SEMA4D: variants seen among roughly 807,000 people sequenced by gnomAD.
SEMA4D encodes the protein semaphorin 4D.
Under a neutral mutation model 74.8 loss-of-function variants are expected in SEMA4D, and 22 were observed. The observed-to-expected ratio is 0.29, with a 90% CI of 0.21 to 0.42. SEMA4D has a LOEUF of 0.42. SEMA4D is among the 10% of genes least tolerant of loss of function. The pLI, the probability that SEMA4D is intolerant of heterozygous loss-of-function variation, is 1.00. For synonymous variants in SEMA4D, 445 were observed against 463.7 expected (o/e 0.96, Z 0.52); for missense variants, 937 against 1,118.4 (o/e 0.84, Z 2.31).
At chr9:89,373,448 A>G (rs78998232), downstream of SEMA4D, among the ~76,000 whole-genome samples, 4,389 of 152,250 alleles carry the variant, frequency 0.029, 195 homozygotes, top group East Asian at 0.16. Flanking sequence ...CCAGTCCCCA[A>G]GTGCAACCCT....
exon 19 of SEMA4D, chr9:89,362,252 A>T: frequency 7.5e-7 from 1 of 1,338,032 alleles, no homozygotes; most frequent in Non-Finnish European, 1.1e-6. Context: ...TCTGCCCATC[A>T]GGTGGTGGCC....
chr9:89,399,192 C>T, intron 5 of SEMA4D, 84 bp downstream of exon 5: 1 of 1,198,496 alleles, frequency 8.3e-7, no homozygotes. Flanking sequence ...CTGGCCTGCA[C>T]TGCAGGCATG....
At chr9:89,450,576 C>T in intron 2 of SEMA4D, 3 of 962,658 alleles carry the variant, frequency 3.1e-6, no homozygotes, top group Admixed American at 3.5e-5. Flanking sequence ...TCCCTTCCAG[C>T]CTGACCTCTA....
chr9:89,427,660 G>T (rs34602330), intron 2 of SEMA4D, among the ~76,000 whole-genome samples: 23,513 of 152,224 alleles, frequency 0.15, 2,382 homozygotes, highest in Non-Finnish European at 0.22. Context: ...GTGGCATTTA[G>T]TGGGGCTGAC....
At chr9:89,406,372 G>A (rs1843332699) in intron 2 of SEMA4D, among the ~76,000 whole-genome samples, 1 of 152,228 alleles carries the variant, frequency 6.6e-6, no homozygotes, top group Admixed American at 6.5e-5. Context: ...AACTCACTCT[G>A]ATTTGCCCAG....
intron 2 of SEMA4D, among the ~76,000 whole-genome samples, chr9:89,446,554 C>A (rs1852906659): frequency 6.6e-6 from 1 of 152,222 alleles, no homozygotes; most frequent in South Asian, 2.1e-4. Context: ...TGATAAGCAC[C>A]ACGGGGCCTC....
chr9:89,412,059 C>T (rs2133947973), intron 2 of SEMA4D, among the ~76,000 whole-genome samples: 1 of 152,250 alleles, frequency 6.6e-6, no homozygotes, highest in Admixed American at 6.5e-5. Context: ...CCCACAGTCA[C>T]CCTTTGCCTC....
rs1268229863 is a variant in SEMA4D at position 89,379,406 on chromosome 9, C to T, written c.1887G>A (p.Arg629=). The T allele has an allele frequency of 1.5e-5, 25 of 1,614,136 alleles. No individual in the cohort carries two copies. The highest frequency in any genetic ancestry group is 2.1e-5 in the Non-Finnish European group (25 of 1,180,020). ...SGVYQCLSEE[R]VKNKTVFQVV... ...CTTGGAAGACCGTTTTGTTCTTAACCCTCTCCTCTGACAGGCACTGGTACA... is the reference window on the plus strand; with the variant it reads ...CTTGGAAGACCGTTTTGTTCTTAACTCTCTCCTCTGACAGGCACTGGTACA... Residue 629 remains arginine, a synonymous_variant, in exon 16 of 16, where the codon AGG becomes AGA. Coordinates refer to ENST00000422704, the MANE Select transcript of SEMA4D (RefSeq NM_001371194.2).
intron 4 of SEMA4D, 24 bp from the exon 5 acceptor site, chr9:89,399,362 G>C: frequency 6.4e-7 from 1 of 1,559,806 alleles, no homozygotes; most frequent in African/African-American, 1.4e-5. Flanking sequence ...GTCCATATCA[G>C]TGCATATTCT....
chr9:89,422,097 A>T (rs74549767), intron 2 of SEMA4D, among the ~76,000 whole-genome samples: 1 of 152,238 alleles, frequency 6.6e-6, no homozygotes, highest in East Asian at 1.9e-4. Context: ...ATCTCTAAAA[A>T]GGTTACACAG....
chr9:89,461,940 A>T (rs1250065618), intron 1 of SEMA4D, among the ~76,000 whole-genome samples: 1 of 152,028 alleles, frequency 6.6e-6, no homozygotes, highest in Non-Finnish European at 1.5e-5. Context: ...TGACCTCATG[A>T]TCTGCCCACC....
chr9:89,406,859 A>C (rs1470016171), intron 2 of SEMA4D, among the ~76,000 whole-genome samples: 1 of 152,100 alleles, frequency 6.6e-6, no homozygotes, highest in African/African-American at 2.4e-5. Context: ...ACACAGCCGA[A>C]ACAGAACCTC....
chr9:89,381,533 G>A lies in SEMA4D; in HGVS notation c.1447-187C>T, dbSNP rs1588171830. ...TCTGTGACCTTCCTGCAGAATCCAC[G>A]TGCTATGTCAGGGCTCACTGGGCCT... On this transcript the variant is annotated intron_variant, in intron 13 of 15. Coordinates refer to ENST00000422704, the MANE Select transcript of SEMA4D (RefSeq NM_001371194.2). This position sits in a 1 kb window ranked among gnomAD's most constrained non-coding sequence, Gnocchi z 4.6. 11 of 518,918 alleles carry A rather than the reference G, an allele frequency of 2.1e-5. No homozygotes were observed. In the East Asian group the frequency reaches 2.1e-4, roughly 10 times the overall value. 32.1% of individuals were successfully genotyped at this position (518,918 alleles called of 1,614,324 possible).
At chr9:89,463,246 A>C (rs1233203887) in intron 1 of SEMA4D, among the ~76,000 whole-genome samples, 1 of 152,130 alleles carries the variant, frequency 6.6e-6, no homozygotes, top group East Asian at 1.9e-4. Flanking sequence ...ACCACCTGCT[A>C]CTATATTCTT....
At chr9:89,413,003 A>G (rs1041902432) in intron 2 of SEMA4D, among the ~76,000 whole-genome samples, 1 of 152,222 alleles carries the variant, frequency 6.6e-6, no homozygotes, top group Admixed American at 6.5e-5. Flanking sequence ...CTAAATAGTT[A>G]AATTAAAACA....
In SEMA4D at chr9:89,442,483, A is replaced by C. The variant is rs74467223; in HGVS notation, c.-244+13405T>G. Among the ~76,000 whole-genome samples, 1,190 of 152,270 alleles carry C rather than the reference A, an allele frequency of 7.8e-3. 46 individuals carry two copies. The East Asian group carries it at 0.1, about 13-fold the overall frequency. On this transcript the variant is annotated intron_variant, in intron 2 of 15. Coordinates refer to ENST00000422704, the MANE Select transcript of SEMA4D (RefSeq NM_001371194.2). ...CATGCAGCAGCAGCAACATGTCAAA[A>C]GAGTGAGATGGTCAGCAGCAAGGAG... is the stretch of plus-strand genomic sequence containing the variant.
chr9:89,411,818 C>T (rs1221202237), intron 2 of SEMA4D, among the ~76,000 whole-genome samples: 1 of 152,208 alleles, frequency 6.6e-6, no homozygotes, highest in Non-Finnish European at 1.5e-5. Context: ...GATCTGGGGG[C>T]TCAAACACGC....
At chr9:89,386,964 C>CATCTAAATAAG in intron 12 of SEMA4D, among the ~76,000 whole-genome samples, 1 of 152,380 alleles carries the variant, frequency 6.6e-6, no homozygotes, top group South Asian at 2.1e-4. Context: ...TCAGAGTCCA[C>CATCTAAATAAG]ATGCCAGGGC....
intron 9 of SEMA4D, among the ~76,000 whole-genome samples, chr9:89,389,611 G>A (rs1157808419): frequency 6.6e-6 from 1 of 152,198 alleles, no homozygotes; most frequent in African/African-American, 2.4e-5. Context: ...CTTTATAAAC[G>A]CTTTTCAGGG....
Sources: allele counts gnomAD v4.1 joint callset (sites outside exome capture counted in the v4.1 genomes callset), GRCh38; gene constraint gnomAD v4.1.1; non-coding constraint Gnocchi (gnomAD v3.1); transcripts MANE v1.5; gene names NCBI Gene and HGNC (gene_info 2026-07-23, HGNC 2026-07-21).